The following CADPS variants were observed in gnomAD, a reference collection of about 807,000 sequenced individuals.
CADPS encodes calcium-dependent secretion activator 1.
In CADPS, 57 loss-of-function variants were observed where a neutral mutation model predicts 167.3. That is an observed-to-expected ratio of 0.34 (90% CI 0.28 to 0.42). The LOEUF is 0.42. CADPS is among the 20% of genes least tolerant of loss of function. CADPS has a pLI of 1.00. For synonymous variants in CADPS, 676 were observed against 635.3 expected (o/e 1.06, Z -0.96); for missense variants, 1,414 against 1,738.1 (o/e 0.81, Z 3.32).
At chr3:62,722,758 T>C (rs2076051817) in intron 3 of CADPS, among the ~76,000 whole-genome samples, 1 of 152,224 alleles carries the variant, frequency 6.6e-6, no homozygotes, top group Non-Finnish European at 1.5e-5. Context: ...ATCCAGCGTA[T>C]AGTTTCTCGA....
In CADPS at chr3:62,533,109, G is replaced by A. The variant is rs562966729; in HGVS notation, c.2104-51C>T. 713 of 1,535,810 alleles carry A rather than the reference G, an allele frequency of 4.6e-4. 11 individuals are homozygous for A. The South Asian group carries it at 7.9e-3, about 17-fold the overall frequency. ...TTCTTTTAAATACAGGTTGTTTTCT[G>A]GAGAGCTGCTAGAGTTGGGAGTGGC... is the stretch of plus-strand genomic sequence containing the variant. On this transcript the variant is annotated intron_variant, in intron 12 of 29. Transcript: ENST00000383710.
At chr3:62,580,540 C>T (rs1184608857) in intron 8 of CADPS, among the ~76,000 whole-genome samples, 1 of 149,924 alleles carries the variant, frequency 6.7e-6, no homozygotes, top group Non-Finnish European at 1.5e-5. Flanking sequence ...ACATATGTAA[C>T]TAACCTGCAC....
chr3:62,815,339 A>T (rs1354334547), intron 1 of CADPS, among the ~76,000 whole-genome samples: 1 of 152,072 alleles, frequency 6.6e-6, no homozygotes, highest in Non-Finnish European at 1.5e-5. Context: ...CCAGTCCCCT[A>T]GACATCACAC....
At chr3:62,763,364 C>A (rs2086013732) in intron 2 of CADPS, among the ~76,000 whole-genome samples, 1 of 152,204 alleles carries the variant, frequency 6.6e-6, no homozygotes, top group Non-Finnish European at 1.5e-5. Flanking sequence ...GAAGTCAACA[C>A]AGGGATGAGT....
At chr3:62,852,562 A>G (rs961392689) in intron 1 of CADPS, among the ~76,000 whole-genome samples, 1 of 151,910 alleles carries the variant, frequency 6.6e-6, no homozygotes, top group East Asian at 1.9e-4. Context: ...CCCTTTTAAA[A>G]TCTTTTCTCC....
At chr3:62,677,235 C>A (rs2076468522) in intron 3 of CADPS, among the ~76,000 whole-genome samples, 2 of 152,024 alleles carry the variant, frequency 1.3e-5, no homozygotes, top group Admixed American at 1.3e-4. Flanking sequence ...AGGGTCAAGT[C>A]TCCCCCAACC....
At chr3:62,629,448 T>A (rs547989547) in intron 6 of CADPS, among the ~76,000 whole-genome samples, 61 of 152,206 alleles carry the variant, frequency 4.0e-4, no homozygotes, top group Non-Finnish European at 7.6e-4. Context: ...TATGAGGACT[T>A]CAATCCTTTT....
chr3:62,786,877 T>C (rs1295090591), intron 1 of CADPS, among the ~76,000 whole-genome samples: 2 of 152,160 alleles, frequency 1.3e-5, no homozygotes, highest in Admixed American at 6.5e-5. Context: ...TAAAAAATCC[T>C]GGAGTAGTTG....
At chr3:62,800,845 C>A (rs1237783770) in intron 1 of CADPS, among the ~76,000 whole-genome samples, 1 of 152,150 alleles carries the variant, frequency 6.6e-6, no homozygotes, top group African/African-American at 2.4e-5. Context: ...ACAAAACATT[C>A]GTTCTCGATG....
chr3:62,752,440 A>G (rs367701794), intron 3 of CADPS, among the ~76,000 whole-genome samples: 1 of 152,356 alleles, frequency 6.6e-6, no homozygotes, highest in African/African-American at 2.4e-5. Flanking sequence ...TCTTACTAAA[A>G]CATCCAGAAA....
At chr3:62,440,168 C>T (rs1412842180) in intron 27 of CADPS, 1 of 152,052 alleles carries the variant, frequency 6.6e-6, no homozygotes, top group African/African-American at 2.4e-5. Flanking sequence ...TAGTAGGGGC[C>T]CAGTAAATAT....
chr3:62,670,684 A>T (rs570839977), intron 3 of CADPS, among the ~76,000 whole-genome samples: 5 of 150,530 alleles, frequency 3.3e-5, no homozygotes, highest in East Asian at 1.9e-4. Flanking sequence ...TAAATACATT[A>T]AAAAAAAACC....
chr3:62,669,521 C>T (rs562647025), intron 3 of CADPS, among the ~76,000 whole-genome samples: 3 of 152,268 alleles, frequency 2.0e-5, no homozygotes, highest in African/African-American at 4.8e-5. Flanking sequence ...CAAATTCCTT[C>T]CTCTCATTTC....
intron 28 of CADPS, among the ~76,000 whole-genome samples, chr3:62,419,023 C>T (rs1018075285): frequency 7.2e-5 from 11 of 152,150 alleles, no homozygotes; most frequent in South Asian, 6.2e-4. Context: ...CAGGAAAACT[C>T]GATTTTGTGA....
chr3:62,746,817 G>C (rs1017348571), intron 3 of CADPS, among the ~76,000 whole-genome samples: 1 of 152,146 alleles, frequency 6.6e-6, no homozygotes, highest in East Asian at 1.9e-4. Context: ...GCACAGCCTC[G>C]CCAGCACCTT....
At chr3:62,708,508 G>A (rs1278909488) in intron 3 of CADPS, among the ~76,000 whole-genome samples, 1 of 151,932 alleles carries the variant, frequency 6.6e-6, no homozygotes, top group Non-Finnish European at 1.5e-5. Context: ...ACTTGCCCAA[G>A]GTTACTATAT....
intron 13 of CADPS, among the ~76,000 whole-genome samples, chr3:62,521,995 G>T (rs2070728206): frequency 6.6e-6 from 1 of 152,176 alleles, no homozygotes; most frequent in South Asian, 2.1e-4. Flanking sequence ...GACGGAATTT[G>T]CTTGTTCCAG....
chr3:62,466,690 A>G, intron 24 of CADPS: 1 of 436,684 alleles, frequency 2.3e-6, no homozygotes, highest in Non-Finnish European at 4.2e-6. Flanking sequence ...AATAGCACAC[A>G]TGAATGACTT....
chr3:62,624,628 T>C (rs965592493), intron 6 of CADPS, among the ~76,000 whole-genome samples: 1 of 152,210 alleles, frequency 6.6e-6, no homozygotes, highest in Non-Finnish European at 1.5e-5. Flanking sequence ...ACTGAGAATC[T>C]GGAAATTCCC....
Sources: allele counts gnomAD v4.1 joint callset (sites outside exome capture counted in the v4.1 genomes callset), GRCh38; gene constraint gnomAD v4.1.1; transcripts MANE v1.5; gene names NCBI Gene and HGNC (gene_info 2026-07-23, HGNC 2026-07-21).